Variants in CHEK2 observed in about 807,000 individuals in gnomAD.
CHEK2 encodes the protein serine/threonine-protein kinase Chk2.
CHEK2 carries 71 observed loss-of-function variants against 69.1 expected under a neutral mutation model. The observed-to-expected ratio is 1.03, with a 90% CI of 0.85 to 1.25. CHEK2 has a LOEUF of 1.25. Among genes scored for constraint, CHEK2 ranks in the 50% most tolerant of loss-of-function variants. CHEK2 has a pLI of 0.00. For missense variants in CHEK2, 664 were observed against 649.6 expected (o/e 1.02, Z -0.24); for synonymous variants, 189 against 226.9 (o/e 0.83, Z 1.50).
At chr22:28,707,830 C>CT (rs11453597) in intron 7 of CHEK2, among the ~76,000 whole-genome samples, 52,839 of 102,782 alleles carry the variant, frequency 0.51, 15,106 homozygotes, top group South Asian at 0.7. Context: ...TTGTGTTTAT[C>CT]TTTTTTTTTT....
At chr22:28,712,265 G>A (rs369531413) in intron 5 of CHEK2, 5 of 501,208 alleles carry the variant, frequency 1.0e-5, no homozygotes, top group Non-Finnish European at 1.8e-5. Flanking sequence ...TCTTACTGTA[G>A]CCCTGGATTG....
chr22:28,739,196 G>A (rs909051371), intron 1 of CHEK2, among the ~76,000 whole-genome samples: 7 of 152,112 alleles, frequency 4.6e-5, no homozygotes, highest in Admixed American at 3.9e-4. Context: ...CTTGAACTCA[G>A]GAGACGGAGA....
chr22:28,719,271 A>G (rs2053684521), intron 5 of CHEK2, 124 bp downstream of exon 5: 1 of 518,476 alleles, frequency 1.9e-6, no homozygotes, highest in Non-Finnish European at 3.5e-6. Flanking sequence ...AAAATAATAC[A>G]CAAATAGATA....
chr22:28,691,632 G>T (rs1490812726), intron 13 of CHEK2, among the ~76,000 whole-genome samples: 1 of 152,230 alleles, frequency 6.6e-6, no homozygotes, highest in Non-Finnish European at 1.5e-5. Context: ...GGAGATCAAG[G>T]CTGCAGTGAG....
chr22:28,730,252 AG>A (rs2054162373), intron 2 of CHEK2, among the ~76,000 whole-genome samples: 3 of 346 alleles, frequency 8.7e-3, no homozygotes, highest in Admixed American at 0.062. Context: ...AGGAGAGGAG[AG>A]GAGGGGAGGG....
chr22:28,713,006 C>A (rs2053458452), intron 5 of CHEK2, among the ~76,000 whole-genome samples: 1 of 152,212 alleles, frequency 6.6e-6, no homozygotes, highest in East Asian at 1.9e-4. Flanking sequence ...CAGCCCCCAG[C>A]CCCTGGCAAC....
intron 1 of CHEK2, among the ~76,000 whole-genome samples, chr22:28,739,458 G>T (rs1277931938): frequency 6.6e-6 from 1 of 152,122 alleles, no homozygotes; most frequent in Non-Finnish European, 1.5e-5. Flanking sequence ...GGGAGGCGGA[G>T]GCGGGCAGAT....
At chr22:28,730,371 AAAAGGGAAAGAG>A in intron 2 of CHEK2, 1 of 514,756 alleles carries the variant, frequency 1.9e-6, no homozygotes, top group Non-Finnish European at 3.5e-6. Context: ...AAGGAAAAGG[AAAAGGGAAAGAG>A]AAAGGGAAAG....
At chr22:28,714,397 A>ATTTGT (rs750180669) in intron 5 of CHEK2, among the ~76,000 whole-genome samples, 3 of 151,806 alleles carry the variant, frequency 2.0e-5, no homozygotes, top group South Asian at 2.1e-4. Flanking sequence ...CCCTTTGCCC[A>ATTTGT]TTTGTTTTGT....
chr22:28,708,866 T>C lies in CHEK2; in HGVS notation c.846+1140A>G, dbSNP rs372250475. On this transcript the variant is annotated intron_variant, in intron 7 of 14. Coordinates refer to ENST00000404276, the MANE Select transcript of CHEK2 (RefSeq NM_007194.4). ...TACTCGGGAGGCTGAGACAGGAGAA[T>C]GGCGTGAACCCGGGAGGTGGAGCTT... 8.1e-3 allele frequency: 2,154 copies of C among 265,214 alleles called. 15 individuals carry two copies. Among genetic ancestry groups the C allele is most frequent in the South Asian group, 0.013 (400 of 29,704 alleles). 16.4% of individuals were successfully genotyped at this position (265,214 alleles called of 1,614,324 possible). A position where few individuals can be genotyped will look rare whatever the true frequency, so the allele number is the denominator to read the frequency against.
chr22:28,689,684 C>T (rs2052277271), intron 13 of CHEK2, among the ~76,000 whole-genome samples: 1 of 152,130 alleles, frequency 6.6e-6, no homozygotes, highest in African/African-American at 2.4e-5. Context: ...CCAGCAGATG[C>T]CATACAAATT....
chr22:28,719,239 T>C (rs1247586704), intron 5 of CHEK2, among the ~76,000 whole-genome samples, 156 bp downstream of exon 5: 2 of 151,908 alleles, frequency 1.3e-5, no homozygotes, highest in Non-Finnish European at 2.9e-5. Context: ...CTGTGTGAAA[T>C]AACACACAAA....
intron 5 of CHEK2, among the ~76,000 whole-genome samples, chr22:28,716,899 C>G (rs1229562820): frequency 6.6e-6 from 1 of 152,142 alleles, no homozygotes; most frequent in East Asian, 1.9e-4. Context: ...TTTCCATTCT[C>G]ATTAGCTCAT....
chr22:28,737,732 C>T (rs1480969049), intron 1 of CHEK2, among the ~76,000 whole-genome samples: 7 of 152,072 alleles, frequency 4.6e-5, no homozygotes, highest in Non-Finnish European at 7.3e-5. Flanking sequence ...TCCACCTCAG[C>T]CTCCCAAACT....
chr22:28,696,638 T>C (rs1022117219), intron 10 of CHEK2, among the ~76,000 whole-genome samples: 5 of 152,004 alleles, frequency 3.3e-5, no homozygotes, highest in Non-Finnish European at 7.4e-5. Flanking sequence ...GGATTACAGG[T>C]GTGAGCCACC....
chr22:28,695,656 G>T (rs573757563), intron 11 of CHEK2, 54 bp downstream of exon 11: 15 of 1,493,384 alleles, frequency 1.0e-5, no homozygotes, highest in Middle Eastern at 3.4e-4. Context: ...ACACATTTGT[G>T]ACTTCATCTA....
chr22:28,715,009 C>G (rs1187433614), intron 5 of CHEK2, among the ~76,000 whole-genome samples: 2 of 152,158 alleles, frequency 1.3e-5, no homozygotes, highest in Non-Finnish European at 2.9e-5. Flanking sequence ...CAAAACTGAG[C>G]TGGAGCAGTG....
intron 5 of CHEK2, among the ~76,000 whole-genome samples, chr22:28,716,523 C>T (rs1406380710): frequency 1.3e-5 from 2 of 151,924 alleles, no homozygotes; most frequent in Admixed American, 6.6e-5. Flanking sequence ...AAGGGTTTGA[C>T]GGTTAGATTC....
At chr22:28,733,920 G>A (rs1380722885) in intron 2 of CHEK2, among the ~76,000 whole-genome samples, 1 of 136,118 alleles carries the variant, frequency 7.3e-6, no homozygotes, top group Non-Finnish European at 1.6e-5. Context: ...AGACTCCGTT[G>A]CCAAAAAAAA....
Sources: allele counts gnomAD v4.1 joint callset (sites outside exome capture counted in the v4.1 genomes callset), GRCh38; gene constraint gnomAD v4.1.1; transcripts MANE v1.5; gene names NCBI Gene and HGNC (gene_info 2026-07-23, HGNC 2026-07-21).